The following RBM47 variants were observed in gnomAD, a reference collection of about 807,000 sequenced individuals.
RBM47 encodes the protein RNA-binding protein 47.
In RBM47, 21 loss-of-function variants were observed where a neutral mutation model predicts 47.1. That is an observed-to-expected ratio of 0.45 (90% CI 0.32 to 0.64). The LOEUF is 0.64. RBM47 is among the 30% of genes least tolerant of loss of function. RBM47 has a pLI of 0.05. For synonymous variants in RBM47, 375 were observed against 361.7 expected, an observed-to-expected ratio of 1.04 and a Z score of -0.42; for missense variants, 708 against 870.9, an observed-to-expected ratio of 0.81 and a Z score of 2.35.
At chr4:40,428,202 C>CAA (rs1193240522) in intron 6 of RBM47, among the ~76,000 whole-genome samples, 74 of 146,734 alleles carry the variant, frequency 5.0e-4, no homozygotes, top group African/African-American at 1.9e-3. Flanking sequence ...TCAAACAAAA[C>CAA]AAAACAAAAC....
chr4:40,532,171 C>T (rs373541761), intron 2 of RBM47, among the ~76,000 whole-genome samples: 14 of 151,090 alleles, frequency 9.3e-5, no homozygotes, highest in East Asian at 7.8e-4. Context: ...CCACCATGCC[C>T]GGCTAATTTT....
At chr4:40,455,012 G>C (rs1206885965) in intron 3 of RBM47, among the ~76,000 whole-genome samples, 1 of 152,144 alleles carries the variant, frequency 6.6e-6, no homozygotes, top group Non-Finnish European at 1.5e-5. Flanking sequence ...TGATAGAGTG[G>C]AAGGAATTTC....
At chr4:40,603,621 G>A (rs150240081) in intron 1 of RBM47, among the ~76,000 whole-genome samples, 1,678 of 133,646 alleles carry the variant, frequency 0.013, 112 homozygotes, top group Admixed American at 0.12. Context: ...TCTTTTTTTT[G>A]AGATAGGGTC....
At chr4:40,509,266 C>G (rs1277048720) in intron 2 of RBM47, among the ~76,000 whole-genome samples, 1 of 151,938 alleles carries the variant, frequency 6.6e-6, no homozygotes, top group Non-Finnish European at 1.5e-5. Context: ...ACTGGTGCTT[C>G]ATAATTGTAG....
At chr4:40,619,677 C>T (rs921152596) in intron 1 of RBM47, among the ~76,000 whole-genome samples, 2 of 152,174 alleles carry the variant, frequency 1.3e-5, no homozygotes, top group Admixed American at 6.5e-5. Context: ...TCTCCCTGCC[C>T]ATCAAACACC....
intron 1 of RBM47, among the ~76,000 whole-genome samples, chr4:40,582,873 C>A (rs1733090867): frequency 6.6e-6 from 1 of 152,210 alleles, no homozygotes; most frequent in Admixed American, 6.5e-5. Flanking sequence ...ACCACCCTTG[C>A]CCATGCTGTA....
intron 2 of RBM47, among the ~76,000 whole-genome samples, chr4:40,511,808 G>A (rs747499227): frequency 3.3e-5 from 5 of 151,868 alleles, no homozygotes; most frequent in African/African-American, 9.7e-5. Flanking sequence ...GGTGGCAGGC[G>A]CCTATAGCCC....
chr4:40,575,554 A>AAAAAAAAAAAC (rs1732213649), intron 1 of RBM47, among the ~76,000 whole-genome samples: 2 of 147,068 alleles, frequency 1.4e-5, no homozygotes, highest in South Asian at 4.2e-4. Flanking sequence ...CTCCATCTCA[A>AAAAAAAAAAAC]AAAAAAAAAA....
At chr4:40,609,726 A>G (rs1354837070) in intron 1 of RBM47, among the ~76,000 whole-genome samples, 2 of 152,038 alleles carry the variant, frequency 1.3e-5, no homozygotes, top group Non-Finnish European at 2.9e-5. Context: ...CTTCAGCCTC[A>G]TCTCTCTCTA....
chr4:40,568,056 T>A (rs1731258270), intron 1 of RBM47, among the ~76,000 whole-genome samples: 1 of 151,640 alleles, frequency 6.6e-6, no homozygotes, highest in South Asian at 2.1e-4. Context: ...GAGGTTGCCA[T>A]GAGCTAACAT....
At chr4:40,427,328 T>C (rs1715205703) in intron 6 of RBM47, 1 of 152,176 alleles carries the variant, frequency 6.6e-6, no homozygotes, top group African/African-American at 2.4e-5. Flanking sequence ...AGTTTCCAAA[T>C]GAGGAAGAAG....
At chr4:40,522,273 G>C (rs766061660) in intron 2 of RBM47, among the ~76,000 whole-genome samples, 5 of 152,192 alleles carry the variant, frequency 3.3e-5, no homozygotes, top group Non-Finnish European at 4.4e-5. Context: ...GGGAGGCCAA[G>C]GCTGGCAGAT....
At chr4:40,592,360 C>G (rs1036359464) in intron 1 of RBM47, among the ~76,000 whole-genome samples, 3 of 150,830 alleles carry the variant, frequency 2.0e-5, no homozygotes, top group South Asian at 2.1e-4. Context: ...ACTCAGCAGT[C>G]GTCCCACCTC....
rs760620816 is a variant in RBM47 at position 40,606,820 on chromosome 4, A to G, written c.-240+22576T>C. On this transcript the variant is annotated intron_variant, in intron 1 of 6. Coordinates refer to ENST00000295971, the MANE Select transcript of RBM47 (RefSeq NM_001098634.2). The stretch of plus-strand genomic sequence containing the variant: ...AACATGTGTTACAAGCCTGAGCAAC[A>G]CAGTGACACCTCCTCTCTACTAAAA... Among the ~76,000 whole-genome samples the G allele has an allele frequency of 1.0e-3, 153 of 152,100 alleles. 1 individual carries two copies. Among genetic ancestry groups the G allele is most frequent in the Non-Finnish European group, 1.1e-3 (72 of 68,014 alleles).
intron 2 of RBM47, among the ~76,000 whole-genome samples, chr4:40,506,202 A>C (rs1724082395): frequency 6.6e-6 from 1 of 152,224 alleles, no homozygotes; most frequent in African/African-American, 2.4e-5. Context: ...CTCCAAGTCC[A>C]GGTTTGCATT....
chr4:40,498,840 G>C (rs17587102), intron 2 of RBM47, among the ~76,000 whole-genome samples: 18,049 of 151,996 alleles, frequency 0.12, 1,133 homozygotes, highest in East Asian at 0.19. Flanking sequence ...TTATAAACTG[G>C]AGGTGTTACA....
intron 2 of RBM47, among the ~76,000 whole-genome samples, chr4:40,515,314 TTGC>T (rs1725440065): frequency 6.6e-6 from 1 of 152,058 alleles, no homozygotes; most frequent in South Asian, 2.1e-4. Context: ...CCTATAGAGA[TTGC>T]TAGAGTCTTG....
chr4:40,529,515 C>CT (rs1727145879), intron 2 of RBM47, among the ~76,000 whole-genome samples: 7 of 18,308 alleles, frequency 3.8e-4, no homozygotes, highest in South Asian at 2.8e-3. Flanking sequence ...GACTCTGTCA[C>CT]AAAAAAAAAA....
At chr4:40,433,698 G>A (rs1711746382) in intron 5 of RBM47, among the ~76,000 whole-genome samples, 1 of 151,976 alleles carries the variant, frequency 6.6e-6, no homozygotes, top group African/African-American at 2.4e-5. Flanking sequence ...TGAGAACTCA[G>A]ACCTGTGTAC....
Sources: gnomAD v4.1 joint callset for allele counts (sites outside exome capture counted in the v4.1 genomes callset) on GRCh38, gnomAD v4.1.1 for gene constraint, MANE v1.5 for transcripts, NCBI Gene and HGNC (gene_info 2026-07-23, HGNC 2026-07-21) for gene names.